DNAH5: variants seen among roughly 807,000 people sequenced by gnomAD.
DNAH5 encodes the protein axonemal beta dynein heavy chain 5.
A neutral mutation model predicts 518.2 loss-of-function variants in DNAH5; 372 were observed. The observed-to-expected ratio is 0.72, with a 90% CI of 0.66 to 0.78. The LOEUF (loss-of-function observed/expected upper bound fraction) is 0.78, where lower values mean the gene tolerates loss of function less well. DNAH5 is among the 30% of genes least tolerant of loss of function. The pLI, the probability that DNAH5 is intolerant of heterozygous loss-of-function variation, is 0.00. For synonymous variants in DNAH5, 2,039 were observed against 2,025.9 expected (o/e 1.01, Z -0.17); for missense variants, 5,523 against 5,687.0 (o/e 0.97, Z 0.93).
At position 13,793,792 on chromosome 5, in the gene DNAH5, G is replaced by C. The variant is rs962614325; in HGVS notation, c.8011-64C>G. 5.1e-6 allele frequency: 8 copies of C among 1,578,880 alleles called. No individual in the cohort carries two copies. The African/African-American group carries it at 9.5e-5, about 19-fold the overall frequency. On this transcript the variant is annotated intron_variant, in intron 48 of 78. Coordinates refer to ENST00000265104, the MANE Select transcript of DNAH5 (RefSeq NM_001369.3). ...TTCTATCCCCGGAGCCTAACTCCTT[G>C]AGTGTTTCCAAAGAAAGAACTTTAC...
chr5:13,823,252 A>G lies in DNAH5; in HGVS notation c.6687+11T>C. 6.5e-7 allele frequency: 1 copy of G among 1,547,326 alleles called. No individual in the cohort carries two copies. The highest frequency in any genetic ancestry group is 8.9e-7 in the Non-Finnish European group (1 of 1,118,940). On this transcript the variant is annotated intron_variant, in intron 40 of 78. Coordinates refer to ENST00000265104, the MANE Select transcript of DNAH5 (RefSeq NM_001369.3). ...AGACACCAGCCCTCGTTGCCCTGTGAAGCATATTACCTGTCTACTAATTGC... is the reference window on the plus strand; with the variant it reads ...AGACACCAGCCCTCGTTGCCCTGTGGAGCATATTACCTGTCTACTAATTGC...
chr5:13,872,032 C>A (rs1199792861), intron 22 of DNAH5, among the ~76,000 whole-genome samples: 2 of 152,168 alleles, frequency 1.3e-5, no homozygotes, highest in East Asian at 3.8e-4. Context: ...CTTGAAGATC[C>A]TGTGGACAGG....
intron 47 of DNAH5, among the ~76,000 whole-genome samples, chr5:13,804,319 A>T (rs6554815): frequency 0.42 from 64,315 of 152,054 alleles, 13,987 homozygotes; most frequent in East Asian, 0.62. Flanking sequence ...AGTTACATCA[A>T]GATGAAAACA....
rs1757082729 is a variant in DNAH5 at position 13,792,071 on chromosome 5, C to T, written c.8371G>A (p.Val2791Met). The T allele has an allele frequency of 1.9e-6, 3 of 1,614,044 alleles. No homozygotes were observed. The highest frequency in any genetic ancestry group is 2.5e-6 in the Non-Finnish European group (3 of 1,179,982). The change falls in exon 50 of 79, where the codon GTG (valine) becomes ATG (methionine). Residue 2791 changes from valine (V) to methionine (M), a missense_variant. Val to Met is a conservative substitution (Grantham distance 21, BLOSUM62 1). This residue lies in a region of DNAH5 where 5,121 missense variants were observed against 5,223.3 expected (regional missense o/e 0.98). Coordinates refer to ENST00000265104, the MANE Select transcript of DNAH5 (RefSeq NM_001369.3). Reference protein sequence around the residue: ...MLPTPAKFHYVFNLRDLSRVW... With the variant: ...MLPTPAKFHYMFNLRDLSRVW... ...CGAGAAAGATCTCGTAGGTTAAACACATAATGGAATTTTGCAGGGGTAGGA... is the reference window on the plus strand; with the variant it reads ...CGAGAAAGATCTCGTAGGTTAAACATATAATGGAATTTTGCAGGGGTAGGA...
chr5:13,898,517 G>A (rs763001444), intron 15 of DNAH5: 19 of 398,448 alleles, frequency 4.8e-5, no homozygotes, highest in Non-Finnish European at 7.5e-5. Flanking sequence ...AATATGACAT[G>A]AAGTGGTGGG....
At position 13,781,563 on chromosome 5, in the gene DNAH5, A is replaced by AG. The variant is rs397950924; in HGVS notation, c.8821-605_8821-604insC. On this transcript the variant is annotated intron_variant, in intron 52 of 78. Transcript: ENST00000265104. ...ATTGAATCAAGGTGGCGGCTTCCCC[A>AG]CAGTGTTCCTGTGGTAGTGACTAAG... 3.7e-4 allele frequency among the ~76,000 whole-genome samples: 3 copies of AG among 8,026 alleles called. No individual in the cohort carries two copies. The East Asian group carries it at 0.01, about 28-fold the overall frequency. The allele number at this position is 8,026 out of a possible 152,430, so 5.3% of individuals were successfully genotyped here.
intron 2 of DNAH5, among the ~76,000 whole-genome samples, chr5:13,928,884 C>A (rs1485905838): frequency 1.1e-4 from 17 of 152,176 alleles, no homozygotes; most frequent in Non-Finnish European, 1.9e-4. Flanking sequence ...AACCCTTGAG[C>A]ACTACTGGTG....
chr5:13,908,360 C>T (rs1272958567), intron 12 of DNAH5, among the ~76,000 whole-genome samples: 1 of 152,134 alleles, frequency 6.6e-6, no homozygotes, highest in African/African-American at 2.4e-5. Flanking sequence ...GCATTTATAA[C>T]CCTTCCACTG....
rs529781375 is a variant in DNAH5, at chr5:14,002,836, A to C, written c.12+8812T>G. ...CAAATGTACTTACTTTTTATTAATAAATATATATATTTATGTTTGTTCAGA... is the reference window on the plus strand; with the variant it reads ...CAAATGTACTTACTTTTTATTAATACATATATATATTTATGTTTGTTCAGA... On this transcript the variant is annotated intron_variant, in intron 1 of 78. Transcript: ENST00000681290. 5.3e-5 allele frequency among the ~76,000 whole-genome samples: 8 copies of C among 151,792 alleles called. No individual in the cohort carries two copies. The East Asian group carries it at 1.5e-3, about 29-fold the overall frequency.
At chr5:13,710,904 C>A (rs752104044) in intron 75 of DNAH5, among the ~76,000 whole-genome samples, 50 of 152,200 alleles carry the variant, frequency 3.3e-4, no homozygotes, top group Non-Finnish European at 5.7e-4. Context: ...AAATCTAAGA[C>A]CAGAAGGATT....
intron 1 of DNAH5, among the ~76,000 whole-genome samples, chr5:14,006,067 C>CA: frequency 1.4e-5 from 2 of 147,686 alleles, no homozygotes; most frequent in African/African-American, 2.5e-5. Context: ...TCCCACCCAA[C>CA]ACCTCCCCAC....
At chr5:13,719,733 T>A (rs1157650511) in intron 71 of DNAH5, among the ~76,000 whole-genome samples, 3 of 152,136 alleles carry the variant, frequency 2.0e-5, no homozygotes, top group African/African-American at 7.2e-5. Flanking sequence ...AAAGAATGAT[T>A]GCCTGCTGAA....
At chr5:13,730,618 T>A (rs767152033) in intron 68 of DNAH5, among the ~76,000 whole-genome samples, 12 of 151,712 alleles carry the variant, frequency 7.9e-5, no homozygotes, top group Non-Finnish European at 1.5e-4. Flanking sequence ...ATATTTTTAG[T>A]GAAGACGAGG....
At chr5:13,723,034 T>C (rs1226023906) in intron 70 of DNAH5, among the ~76,000 whole-genome samples, 2 of 152,230 alleles carry the variant, frequency 1.3e-5, no homozygotes, top group South Asian at 2.1e-4. Context: ...CCTTCTGACC[T>C]TCCTCTCTAT....
At chr5:13,696,044 G>A (rs190308607) in intron 78 of DNAH5, among the ~76,000 whole-genome samples, 4 of 152,218 alleles carry the variant, frequency 2.6e-5, no homozygotes, top group Middle Eastern at 3.4e-3. Flanking sequence ...CACCACATAC[G>A]GCTATCCCCA....
At chr5:13,997,516 T>C (rs6881277) in intron 1 of DNAH5, among the ~76,000 whole-genome samples, 44,192 of 152,154 alleles carry the variant, frequency 0.29, 7,783 homozygotes, top group South Asian at 0.45. Context: ...CCCTGAGCTA[T>C]ACCCCCTCTA....
intron 68 of DNAH5, among the ~76,000 whole-genome samples, chr5:13,734,776 G>A (rs754312375): frequency 1.3e-5 from 2 of 152,072 alleles, no homozygotes; most frequent in Non-Finnish European, 2.9e-5. Flanking sequence ...ATAATGCCCT[G>A]TAACTTCCCA....
At position 13,820,196 on chromosome 5, in the gene DNAH5, T is replaced by C. The variant is rs528290955; in HGVS notation, c.6841+150A>G. ...TCTGGTTCATTAATGTAATATGTTA[T>C]CTCTAAAATGTTCCCAATAATTAAT... On this transcript the variant is annotated intron_variant, in intron 41 of 78. Transcript: ENST00000265104. 1.0e-5 allele frequency: 9 copies of C among 876,798 alleles called. No individual in the cohort carries two copies. The East Asian group carries it at 1.6e-4, about 16-fold the overall frequency. 54.3% of individuals were successfully genotyped at this position (876,798 alleles called of 1,614,324 possible). A position where few individuals can be genotyped will look rare whatever the true frequency, so the allele number is the denominator to read the frequency against.
chr5:13,830,765 T>C lies in DNAH5; in HGVS notation c.5893A>G (p.Thr1965Ala), dbSNP rs1561376462. 1 of 1,614,130 alleles carries C rather than the reference T, an allele frequency of 6.2e-7. No individual in the cohort carries two copies. Among genetic ancestry groups the C allele is most frequent in the African/African-American group, 1.3e-5 (1 of 75,020 alleles). Residue 1965 changes from threonine (T) to alanine (A), a missense_variant, in exon 36 of 79, where the codon ACG (threonine) becomes GCG (alanine). Thr to Ala is a moderately conservative substitution (Grantham distance 58). Transcript: ENST00000265104. Reference protein sequence around the residue: ...ITPLTDRCYITLAQALGMSMG... With the variant: ...ITPLTDRCYIALAQALGMSMG... ...CTCATTCCCAGAGCTTGAGCCAGCG[T>C]GATGTAACATCTGCATGGGTAGAAA...
Sources: allele counts gnomAD v4.1 joint callset (sites outside exome capture counted in the v4.1 genomes callset), GRCh38; gene constraint gnomAD v4.1.1; regional missense constraint gnomAD v4.1.1; transcripts MANE v1.5; gene names NCBI Gene and HGNC (gene_info 2026-07-23, HGNC 2026-07-21).